Variants in MARK3 observed in about 807,000 individuals in gnomAD.
MARK3 encodes the protein microtubule affinity regulating kinase 3.
A neutral mutation model predicts 90.1 loss-of-function variants in MARK3; 46 were observed. The ratio of observed to expected loss-of-function variants is 0.51; its 90% CI spans 0.40 to 0.65. The LOEUF is 0.65. MARK3 is among the 30% of genes least tolerant of loss of function. The pLI, the probability that MARK3 is intolerant of heterozygous loss-of-function variation, is 0.00. For missense variants in MARK3, 818 were observed against 947.2 expected (o/e 0.86, Z 1.79); for synonymous variants, 321 against 332.6 (o/e 0.97, Z 0.38).
At chr14:103,482,165 A>G (rs1237464547) in intron 14 of MARK3, among the ~76,000 whole-genome samples, 1 of 152,162 alleles carries the variant, frequency 6.6e-6, no homozygotes, top group African/African-American at 2.4e-5. Flanking sequence ...TTAATAGAAA[A>G]TATCAATAGA....
At chr14:103,462,494 T>C in intron 7 of MARK3, 33 bp downstream of exon 7, 1 of 1,515,370 alleles carries the variant, frequency 6.6e-7, no homozygotes, top group Non-Finnish European at 9.1e-7. Context: ...GTGTATGCTC[T>C]GTCTGTTTGT....
chr14:103,463,799 C>G (rs138996545), intron 7 of MARK3, among the ~76,000 whole-genome samples: 2 of 152,280 alleles, frequency 1.3e-5, no homozygotes, highest in African/African-American at 4.8e-5. Context: ...TCTGCTTGAA[C>G]AACTCTTCAT....
intron 1 of MARK3, 180 bp downstream of exon 1, chr14:103,386,260 G>T: frequency 1.4e-6 from 1 of 722,606 alleles, no homozygotes; most frequent in South Asian, 1.5e-5. Flanking sequence ...GTGTCCCGCT[G>T]TTCGCGGGCG....
chr14:103,445,819 G>A (rs1276411230), intron 3 of MARK3, among the ~76,000 whole-genome samples: 1 of 152,100 alleles, frequency 6.6e-6, no homozygotes, highest in Non-Finnish European at 1.5e-5. Context: ...AAAAATGATT[G>A]CCTTCATTTG....
chr14:103,491,541 C>T, intron 14 of MARK3: 1 of 463,976 alleles, frequency 2.2e-6, no homozygotes, highest in Non-Finnish European at 3.8e-6. Flanking sequence ...TTAATCTTGT[C>T]CTTGAAAATA....
At chr14:103,472,197 G>A (rs1388538654) in intron 12 of MARK3, among the ~76,000 whole-genome samples, 18 of 126,668 alleles carry the variant, frequency 1.4e-4, no homozygotes, top group South Asian at 2.6e-4. Context: ...GCGACAGAGC[G>A]AGACTCCGTC....
intron 17 of MARK3, 75 bp from the exon 18 acceptor site, chr14:103,502,807 A>T: frequency 8.5e-7 from 1 of 1,176,050 alleles, no homozygotes; most frequent in Middle Eastern, 2.0e-4. Context: ...AAAGACGTGA[A>T]TGAGGAACTA....
chr14:103,417,593 T>C (rs895443180), intron 2 of MARK3: 4 of 152,228 alleles, frequency 2.6e-5, no homozygotes, highest in African/African-American at 9.7e-5. Flanking sequence ...CCTTTTAATA[T>C]AGAGGTTTTT....
In MARK3 at chr14:103,480,500, TCTAC is replaced by T. The variant is rs776789111; in HGVS notation, c.1586+13_1586+16del. The T allele has an allele frequency of 2.0e-6, 3 of 1,526,912 alleles. No individual in the cohort carries two copies. Among genetic ancestry groups the T allele is most frequent in the African/African-American group, 2.7e-5 (2 of 72,974 alleles). 94.6% of individuals were successfully genotyped at this position (1,526,912 alleles called of 1,614,324 possible). On this transcript the variant is annotated intron_variant, in intron 14 of 17. Coordinates refer to ENST00000429436, the MANE Select transcript of MARK3 (RefSeq NM_001128918.3). Reference sequence around the variant, plus strand: ...ATGGCAAAGAAAACAGGTAGGAGATTCTACCTGTTTGTAAGAAAAGTTGTTTTTC... The same window carrying T: ...ATGGCAAAGAAAACAGGTAGGAGATTCTGTTTGTAAGAAAAGTTGTTTTTC...
intron 2 of MARK3, among the ~76,000 whole-genome samples, chr14:103,416,082 C>T (rs1045222864): frequency 6.6e-6 from 1 of 152,122 alleles, no homozygotes; most frequent in African/African-American, 2.4e-5. Context: ...AATTGTAAAG[C>T]TTTGTCTAAA....
intron 7 of MARK3, among the ~76,000 whole-genome samples, chr14:103,465,179 G>A (rs1346009711): frequency 6.6e-6 from 1 of 152,136 alleles, no homozygotes; most frequent in African/African-American, 2.4e-5. Flanking sequence ...TGTTGGCCAG[G>A]CTGGTCTTGA....
At chr14:103,461,897 A>C (rs543565462) in intron 6 of MARK3, among the ~76,000 whole-genome samples, 1 of 152,178 alleles carries the variant, frequency 6.6e-6, no homozygotes, top group African/African-American at 2.4e-5. Flanking sequence ...TTGGCCGGGC[A>C]TGGTGGTGCA....
intron 6 of MARK3, chr14:103,458,798 AAGTGATAG>A (rs2093335807): frequency 1.4e-6 from 1 of 708,268 alleles, no homozygotes; most frequent in African/African-American, 1.7e-5. Context: ...TTACATTTGT[AAGTGATAG>A]GACTTATTAA....
intron 3 of MARK3, among the ~76,000 whole-genome samples, chr14:103,430,665 C>A (rs1215573436): frequency 6.6e-6 from 1 of 152,128 alleles, no homozygotes; most frequent in Non-Finnish European, 1.5e-5. Flanking sequence ...TAACAGTGAA[C>A]ACACGTGTTA....
chr14:103,442,744 TCCGGG>T (rs1595700003), intron 3 of MARK3, among the ~76,000 whole-genome samples: 1 of 152,164 alleles, frequency 6.6e-6, no homozygotes, highest in East Asian at 1.9e-4. Context: ...TTTTTGGTGC[TCCGGG>T]AAATTTGTAG....
chr14:103,388,830 G>A (rs1351632020), intron 1 of MARK3, among the ~76,000 whole-genome samples: 1 of 152,110 alleles, frequency 6.6e-6, no homozygotes, highest in Non-Finnish European at 1.5e-5. Context: ...TTATTTGAAT[G>A]TGTATCAGTA....
chr14:103,498,715 G>GGCATTTAAAA (rs2075484349), intron 16 of MARK3, 187 bp downstream of exon 16: 3 of 422,332 alleles, frequency 7.1e-6, no homozygotes, highest in Non-Finnish European at 1.2e-5. Context: ...GCATTTTAAA[G>GGCATTTAAAA]GGACTATGGT....
At chr14:103,483,633 T>C (rs1386193748) in intron 14 of MARK3, among the ~76,000 whole-genome samples, 1 of 152,260 alleles carries the variant, frequency 6.6e-6, no homozygotes, top group Non-Finnish European at 1.5e-5. Flanking sequence ...ACAGGGAGCA[T>C]AGGTTAGGGC....
At chr14:103,417,175 A>T (rs12892062) in intron 2 of MARK3, 8 of 152,070 alleles carry the variant, frequency 5.3e-5, no homozygotes. Context: ...TAGTATAGTG[A>T]AAGGACAAAG....
Sources: allele counts gnomAD v4.1 joint callset (sites outside exome capture counted in the v4.1 genomes callset), GRCh38; gene constraint gnomAD v4.1.1; transcripts MANE v1.5; gene names NCBI Gene and HGNC (gene_info 2026-07-23, HGNC 2026-07-21).